Variants in PSD3 observed in about 807,000 individuals in gnomAD.
The protein encoded by PSD3 is pleckstrin and Sec7 domain containing 3.
A neutral mutation model predicts 105.5 loss-of-function variants in PSD3; 49 were observed. That is an observed-to-expected ratio of 0.46 (90% confidence interval 0.37 to 0.59). The LOEUF (loss-of-function observed/expected upper bound fraction) is 0.59. PSD3 is among the 20% of genes least tolerant of loss of function. PSD3 has a pLI of 0.00. For synonymous variants in PSD3, 557 were observed against 457.8 expected, an observed-to-expected ratio of 1.22 and a Z score of -2.77; for missense variants, 1,561 against 1,263.8, an observed-to-expected ratio of 1.24 and a Z score of -3.57.
At chr8:18,988,704 T>G (rs1288797634) in intron 1 of PSD3, among the ~76,000 whole-genome samples, 1 of 152,144 alleles carries the variant, frequency 6.6e-6, no homozygotes, top group East Asian at 1.9e-4. Context: ...TAAAAAGTGT[T>G]GATTTGAAGG....
At chr8:18,542,055 G>A (rs1378570716) in intron 15 of PSD3, among the ~76,000 whole-genome samples, 1 of 151,998 alleles carries the variant, frequency 6.6e-6, no homozygotes, top group East Asian at 1.9e-4. Context: ...ATTCGGCCCT[G>A]AGAATCTCTT....
chr8:18,715,908 G>A (rs1340078203), intron 9 of PSD3, among the ~76,000 whole-genome samples: 3 of 152,266 alleles, frequency 2.0e-5, no homozygotes, highest in African/African-American at 7.2e-5. Context: ...CAGTAAAAAT[G>A]CAAAGCATCT....
intron 4 of PSD3, among the ~76,000 whole-genome samples, chr8:18,830,064 T>C (rs941976996): frequency 1.3e-5 from 2 of 151,916 alleles, no homozygotes; most frequent in Non-Finnish European, 2.9e-5. Flanking sequence ...GCTTCCTGGG[T>C]TCAAGCAATT....
At chr8:19,039,504 G>T (rs1440412774) in intron 1 of PSD3, among the ~76,000 whole-genome samples, 2 of 152,126 alleles carry the variant, frequency 1.3e-5, no homozygotes, top group Non-Finnish European at 2.9e-5. Flanking sequence ...ACCAGCCAGG[G>T]AACTCAGAAG....
intron 11 of PSD3, among the ~76,000 whole-genome samples, chr8:18,623,382 C>CAGG (rs1806255478): frequency 7.6e-6 from 1 of 132,354 alleles, no homozygotes; most frequent in Non-Finnish European, 1.5e-5. Flanking sequence ...GAAGCCAAGG[C>CAGG]AGGAGGACTG....
At chr8:18,672,024 C>T (rs1484605950) in intron 9 of PSD3, among the ~76,000 whole-genome samples, 1 of 152,124 alleles carries the variant, frequency 6.6e-6, no homozygotes, top group African/African-American at 2.4e-5. Flanking sequence ...TAAACCATAT[C>T]AGTGAAAAAC....
intron 10 of PSD3, among the ~76,000 whole-genome samples, chr8:18,645,987 T>C (rs1334260565): frequency 6.6e-6 from 1 of 152,166 alleles, no homozygotes; most frequent in Non-Finnish European, 1.5e-5. Flanking sequence ...TTAAAATATA[T>C]GTTTTATCTA....
intron 9 of PSD3, among the ~76,000 whole-genome samples, chr8:18,735,313 C>T (rs1804073562): frequency 6.6e-6 from 1 of 152,078 alleles, no homozygotes; most frequent in Non-Finnish European, 1.5e-5. Context: ...GGGAAAGCTT[C>T]ACCTAAGAAG....
chr8:18,544,519 T>G (rs145341810), intron 15 of PSD3, among the ~76,000 whole-genome samples: 1 of 152,168 alleles, frequency 6.6e-6, no homozygotes, highest in East Asian at 1.9e-4. Context: ...AACCACACAT[T>G]TTTATTTATA....
intron 1 of PSD3, among the ~76,000 whole-genome samples, chr8:19,054,753 A>G (rs1184300163): frequency 1.3e-5 from 2 of 152,218 alleles, no homozygotes; most frequent in East Asian, 3.8e-4. Context: ...ATAATAACAA[A>G]TTTATCGCTT....
chr8:18,623,775 T>A (rs1304232851), intron 11 of PSD3, among the ~76,000 whole-genome samples: 5 of 152,206 alleles, frequency 3.3e-5, no homozygotes, highest in African/African-American at 4.8e-5. Flanking sequence ...CACTGGGTAC[T>A]TGTCAGTGAC....
chr8:18,747,767 T>A (rs1031055533), intron 9 of PSD3, among the ~76,000 whole-genome samples: 5 of 151,596 alleles, frequency 3.3e-5, no homozygotes, highest in African/African-American at 1.2e-4. Flanking sequence ...CTGCTCAGTA[T>A]GCAGAGAGCA....
chr8:18,911,736 AT>A (rs1472699233), intron 2 of PSD3, among the ~76,000 whole-genome samples: 4 of 152,168 alleles, frequency 2.6e-5, no homozygotes, highest in African/African-American at 9.7e-5. Context: ...AGGGATATAT[AT>A]ATAGACATAG....
chr8:18,710,756 A>C (rs1802203453), intron 9 of PSD3, among the ~76,000 whole-genome samples: 1 of 151,964 alleles, frequency 6.6e-6, no homozygotes, highest in South Asian at 2.1e-4. Flanking sequence ...ATTTAGGCTC[A>C]CTGCAACGTC....
At chr8:18,537,810 A>T (rs1799924186) in intron 15 of PSD3, among the ~76,000 whole-genome samples, 1 of 152,130 alleles carries the variant, frequency 6.6e-6, no homozygotes, top group South Asian at 2.1e-4. Context: ...CCAAGTGTCT[A>T]GGATTACAGG....
chr8:18,786,712 G>A (rs548679168), intron 8 of PSD3: 2 of 152,268 alleles, frequency 1.3e-5, no homozygotes, highest in African/African-American at 4.8e-5. Flanking sequence ...TTTCTTTACT[G>A]GTTCAGAGAA....
intron 9 of PSD3, among the ~76,000 whole-genome samples, chr8:18,754,718 G>C (rs1337785773): frequency 2.0e-5 from 3 of 152,028 alleles, no homozygotes; most frequent in South Asian, 2.1e-4. Flanking sequence ...TGGCTGTTGA[G>C]AGTTATTTTT....
chr8:18,651,951 G>C (rs1438130669), intron 10 of PSD3, among the ~76,000 whole-genome samples: 1 of 152,152 alleles, frequency 6.6e-6, no homozygotes, highest in Non-Finnish European at 1.5e-5. Flanking sequence ...ATTGGAGACA[G>C]AAGGCCTTGT....
chr8:18,859,108 T>C (rs1240117187), intron 4 of PSD3, among the ~76,000 whole-genome samples: 1 of 152,204 alleles, frequency 6.6e-6, no homozygotes, highest in Non-Finnish European at 1.5e-5. Flanking sequence ...GTTTGCAGAA[T>C]GGATATTGTG....
Sources: allele counts gnomAD v4.1 joint callset (sites outside exome capture counted in the v4.1 genomes callset), GRCh38; gene constraint gnomAD v4.1.1; transcripts MANE v1.5; gene names NCBI Gene and HGNC (gene_info 2026-07-23, HGNC 2026-07-21).